SOHLH2: variants seen among roughly 807,000 people sequenced by gnomAD.
The protein encoded by SOHLH2 is spermatogenesis- and oogenesis-specific basic helix-loop-helix-containing protein 2.
Under a neutral mutation model 50.4 loss-of-function variants are expected in SOHLH2, and 22 were observed. That is an observed-to-expected ratio of 0.44 (90% CI 0.31 to 0.62). SOHLH2 has a LOEUF of 0.62. Among genes scored for constraint, SOHLH2 ranks in the 20% least tolerant of loss-of-function variants. The probability of loss-of-function intolerance (pLI) is 0.08; values close to 1 mark genes in which losing one functional copy is unlikely to be tolerated. For missense variants in SOHLH2, 412 were observed against 504.4 expected, an observed-to-expected ratio of 0.82 and a Z score of 1.76; for synonymous variants, 185 against 187.3, an observed-to-expected ratio of 0.99 and a Z score of 0.10.
At chr13:36,194,547 C>T (rs781516402) in intron 2 of SOHLH2, among the ~76,000 whole-genome samples, 1 of 152,154 alleles carries the variant, frequency 6.6e-6, no homozygotes, top group Non-Finnish European at 1.5e-5. Context: ...TGGGTAACCG[C>T]TGAGGCTACA....
chr13:36,197,805 T>G (rs1220824783), intron 2 of SOHLH2, among the ~76,000 whole-genome samples: 1 of 152,250 alleles, frequency 6.6e-6, no homozygotes, highest in Non-Finnish European at 1.5e-5. Flanking sequence ...ACAGAGCTCC[T>G]GCTGCAACAT....
At chr13:36,175,740 G>A (rs528156420) in intron 6 of SOHLH2, among the ~76,000 whole-genome samples, 124 of 152,140 alleles carry the variant, frequency 8.2e-4, no homozygotes, top group African/African-American at 2.9e-3. Context: ...TTTGACATAC[G>A]GCCAATGAAT....
chr13:36,194,679 T>C (rs1170783800), intron 2 of SOHLH2, among the ~76,000 whole-genome samples: 1 of 152,212 alleles, frequency 6.6e-6, no homozygotes, highest in Non-Finnish European at 1.5e-5. Context: ...AATTCGATAA[T>C]TGGATGGATA....
At chr13:36,185,121 A>G (rs1032461849) in intron 6 of SOHLH2, among the ~76,000 whole-genome samples, 3 of 152,130 alleles carry the variant, frequency 2.0e-5, no homozygotes, top group Non-Finnish European at 4.4e-5. Context: ...TTATGGCTAC[A>G]TAGTATTGTG....
intron 1 of SOHLH2, among the ~76,000 whole-genome samples, chr13:36,205,170 C>T (rs1396933347): frequency 6.6e-6 from 1 of 152,130 alleles, no homozygotes; most frequent in Non-Finnish European, 1.5e-5. Flanking sequence ...AATACATTTC[C>T]ATTGATTATT....
At chr13:36,201,480 T>A (rs1282513088) in intron 2 of SOHLH2, among the ~76,000 whole-genome samples, 1 of 151,854 alleles carries the variant, frequency 6.6e-6, no homozygotes, top group Non-Finnish European at 1.5e-5. Flanking sequence ...ATCCCTCATT[T>A]TTTTTTTTTA....
At chr13:36,192,360 G>A (rs1887600672) in intron 4 of SOHLH2, among the ~76,000 whole-genome samples, 2 of 152,114 alleles carry the variant, frequency 1.3e-5, no homozygotes, top group African/African-American at 4.8e-5. Flanking sequence ...ACCAACAGAG[G>A]GGCATGGGCA....
chr13:36,190,127 C>G, intron 5 of SOHLH2, 71 bp from the exon 6 acceptor site: 1 of 1,380,314 alleles, frequency 7.2e-7, no homozygotes, highest in South Asian at 1.6e-5. Flanking sequence ...TAATACGCAC[C>G]AATACACTAA....
chr13:36,203,061 C>T (rs1433030354), intron 1 of SOHLH2, among the ~76,000 whole-genome samples: 4 of 152,174 alleles, frequency 2.6e-5, no homozygotes, highest in Non-Finnish European at 2.9e-5. Flanking sequence ...CACCTGCTCA[C>T]CTAATTTTCT....
chr13:36,168,813 G>A lies in SOHLH2; in HGVS notation c.*221C>T, dbSNP rs1886887504. 3.3e-6 allele frequency: 2 copies of A among 605,838 alleles called. No individual in the cohort carries two copies. Among genetic ancestry groups the A allele is most frequent in the Non-Finnish European group, 5.1e-6 (2 of 389,996 alleles). The allele number at this position is 605,838 out of a possible 1,614,324, so 37.5% of individuals were successfully genotyped here. A position where few individuals can be genotyped will look rare whatever the true frequency, so the allele number is the denominator to read the frequency against. ...AGCTCTCTGGCTGGCGGGGATCCAA[G>A]TGTGTATGAAGATGAGTGACAGTGT... is the stretch of plus-strand genomic sequence containing the variant. On this transcript the variant is annotated 3_prime_UTR_variant, in exon 11 of 11. Coordinates refer to ENST00000379881, the MANE Select transcript of SOHLH2 (RefSeq NM_017826.3).
chr13:36,183,391 G>A (rs1201076058), intron 6 of SOHLH2, among the ~76,000 whole-genome samples: 4 of 152,070 alleles, frequency 2.6e-5, no homozygotes, highest in African/African-American at 9.7e-5. Context: ...ATCAATTCAA[G>A]GTAGATTATG....
intron 6 of SOHLH2, among the ~76,000 whole-genome samples, chr13:36,181,097 C>T (rs1439679073): frequency 6.6e-6 from 1 of 152,140 alleles, no homozygotes; most frequent in East Asian, 1.9e-4. Context: ...AAAGTTGACG[C>T]TTGTATCATT....
intron 1 of SOHLH2, among the ~76,000 whole-genome samples, chr13:36,213,589 G>A (rs1044207243): frequency 2.0e-5 from 3 of 152,150 alleles, no homozygotes; most frequent in Non-Finnish European, 4.4e-5. Flanking sequence ...CTCCTAGTGG[G>A]GTAATCATCA....
At chr13:36,175,197 C>T (rs1249378642) in intron 6 of SOHLH2, among the ~76,000 whole-genome samples, 1 of 152,242 alleles carries the variant, frequency 6.6e-6, no homozygotes, top group Non-Finnish European at 1.5e-5. Flanking sequence ...ACCCTTCCCA[C>T]CCCCTGCTGC....
In SOHLH2 at chr13:36,201,747, C is replaced by T. The variant is rs9546658; in HGVS notation, c.263+132G>A. ...GGCCTCTCAAAGTGCCAGGATTACA[C>T]GCATGAGCCAATCCCTGGCCCCTCA... On this transcript the variant is annotated intron_variant, in intron 2 of 10. Transcript: ENST00000379881. 9.4e-5 allele frequency: 126 copies of T among 1,346,418 alleles called. 1 individual carries two copies. The South Asian group carries it at 1.6e-3, about 17-fold the overall frequency. 83.4% of individuals were successfully genotyped at this position (1,346,418 alleles called of 1,614,324 possible). A position where few individuals can be genotyped will look rare whatever the true frequency, so the allele number is the denominator to read the frequency against.
At chr13:36,198,448 G>T (rs1347542400) in intron 2 of SOHLH2, among the ~76,000 whole-genome samples, 1 of 152,108 alleles carries the variant, frequency 6.6e-6, no homozygotes. Flanking sequence ...CTAAGCATAC[G>T]AATCCTAAGA....
In SOHLH2 at chr13:36,189,926, A is replaced by C. The variant is rs147171905; in HGVS notation, c.641+20T>G. On this transcript the variant is annotated intron_variant, in intron 6 of 10. Coordinates refer to ENST00000379881, the MANE Select transcript of SOHLH2 (RefSeq NM_017826.3). Reference sequence around the variant, plus strand: ...CCCTACAAAAGAATAATGCTTAAAAAGTGCTATATTAAAATTCACCTTCTT... The same window carrying C: ...CCCTACAAAAGAATAATGCTTAAAACGTGCTATATTAAAATTCACCTTCTT... The C allele has an allele frequency of 6.4e-7, 1 of 1,557,276 alleles. No individual in the cohort carries two copies. The highest frequency in any genetic ancestry group is 8.7e-7 in the Non-Finnish European group (1 of 1,150,474).
At chr13:36,184,325 T>C (rs2138284463) in intron 6 of SOHLH2, among the ~76,000 whole-genome samples, 1 of 152,152 alleles carries the variant, frequency 6.6e-6, no homozygotes, top group South Asian at 2.1e-4. Flanking sequence ...TGGAAATATA[T>C]CAAAGTTGAT....
chr13:36,190,148 C>A, intron 5 of SOHLH2, 92 bp from the exon 6 acceptor site: 1 of 1,145,416 alleles, frequency 8.7e-7, no homozygotes, highest in African/African-American at 1.6e-5. Flanking sequence ...ACAAAGGATG[C>A]TTCTCTAAGT....
Sources: allele counts gnomAD v4.1 joint callset (sites outside exome capture counted in the v4.1 genomes callset), GRCh38; gene constraint gnomAD v4.1.1; transcripts MANE v1.5; gene names NCBI Gene and HGNC (gene_info 2026-07-23, HGNC 2026-07-21).